SOX5: variants seen among roughly 807,000 people sequenced by gnomAD.
SOX5 encodes SRY-box transcription factor 5, also known as transcription factor SOX-5.
SOX5 carries 9 observed loss-of-function variants against 92.0 expected under a neutral mutation model. That is an observed-to-expected ratio of 0.10 (90% CI 0.06 to 0.17). The LOEUF (loss-of-function observed/expected upper bound fraction) is 0.17, where lower values mean the gene tolerates loss of function less well. Ranked by LOEUF, SOX5 falls within the 10% of genes least tolerant of loss-of-function variation. SOX5 has a pLI of 1.00. For missense variants in SOX5, 642 were observed against 944.5 expected, an observed-to-expected ratio of 0.68 and a Z score of 4.20; for synonymous variants, 344 against 336.3, an observed-to-expected ratio of 1.02 and a Z score of -0.25.
chr12:24,169,534 A>G (rs572154027), intron 4 of SOX5, among the ~76,000 whole-genome samples: 6 of 152,342 alleles, frequency 3.9e-5, no homozygotes, highest in Admixed American at 3.9e-4. Flanking sequence ...TGATCTTCAT[A>G]GTGTTTACAG....
At position 24,416,498 on chromosome 12, in the gene SOX5, C is replaced by T. The variant is rs995667317; in HGVS notation, c.-250-47859G>A. Among the ~76,000 whole-genome samples the T allele has an allele frequency of 5.3e-5, 8 of 152,242 alleles. No homozygotes were observed. In the East Asian group the frequency reaches 9.7e-4, roughly 18 times the overall value. ...CTACGAATGTATTCAAAAGCAAAGACGTGGGTAAGGAAACGTGGTGACTGA... is the reference window on the plus strand; with the variant it reads ...CTACGAATGTATTCAAAAGCAAAGATGTGGGTAAGGAAACGTGGTGACTGA... On this transcript the variant is annotated intron_variant, in intron 1 of 4. Coordinates refer to the SOX5 transcript ENST00000446891.
chr12:24,202,573 A>C (rs1957627371), intron 4 of SOX5, among the ~76,000 whole-genome samples: 1 of 152,184 alleles, frequency 6.6e-6, no homozygotes, highest in African/African-American at 2.4e-5. Flanking sequence ...ACTATGAGCC[A>C]ATATTTAGTT....
intron 3 of SOX5, among the ~76,000 whole-genome samples, chr12:23,820,020 T>C (rs1401729123): frequency 3.3e-5 from 5 of 152,202 alleles, no homozygotes; most frequent in Admixed American, 2.6e-4. Flanking sequence ...TCTTCCACAA[T>C]GGTTGCACTA....
At position 24,372,951 on chromosome 12, in the gene SOX5, C is replaced by CAAAAA. The variant is rs375852900; in HGVS notation, c.-250-4317_-250-4313dup. On this transcript the variant is annotated intron_variant, in intron 1 of 4. Transcript: ENST00000446891. Reference sequence around the variant, plus strand: ...AAAAATGGCAAAACCCCATCTCTACCAAAAAAAAAAAAAAAAAACTGCTGG... The same window carrying CAAAAA: ...AAAAATGGCAAAACCCCATCTCTACCAAAAAAAAAAAAAAAAAAAAAAACTGCTGG... Among the ~76,000 whole-genome samples the CAAAAA allele has an allele frequency of 8.2e-5, 10 of 122,518 alleles. 1 individual carries two copies. Among genetic ancestry groups the CAAAAA allele is most frequent in the African/African-American group, 2.5e-4 (8 of 31,922 alleles). The allele number at this position is 122,518 out of a possible 152,430, so 80.4% of individuals were successfully genotyped here. A position where few individuals can be genotyped will look rare whatever the true frequency, so the allele number is the denominator to read the frequency against.
At chr12:24,081,519 C>A (rs944945877) in intron 4 of SOX5, among the ~76,000 whole-genome samples, 1 of 151,930 alleles carries the variant, frequency 6.6e-6, no homozygotes, top group African/African-American at 2.4e-5. Context: ...CTATAAATGT[C>A]CATTCCATCT....
chr12:23,543,664 G>A (rs1399123288), intron 12 of SOX5, among the ~76,000 whole-genome samples: 7 of 152,186 alleles, frequency 4.6e-5, no homozygotes, highest in African/African-American at 9.6e-5. Flanking sequence ...AATAAACTCC[G>A]ATATGTGATT....
chr12:24,362,718 T>C (rs1181206507), intron 2 of SOX5, among the ~76,000 whole-genome samples: 1 of 152,118 alleles, frequency 6.6e-6, no homozygotes, highest in Non-Finnish European at 1.5e-5. Context: ...GGCTGGTCAG[T>C]TATAGGCGTG....
intron 2 of SOX5, among the ~76,000 whole-genome samples, chr12:24,322,659 G>C (rs546373954): frequency 6.6e-6 from 1 of 152,156 alleles, no homozygotes; most frequent in Admixed American, 6.5e-5. Context: ...CATTTTCTCT[G>C]TGTTATACCT....
At chr12:23,760,916 C>T (rs1309314171) in intron 3 of SOX5, among the ~76,000 whole-genome samples, 1 of 152,082 alleles carries the variant, frequency 6.6e-6, no homozygotes, top group Non-Finnish European at 1.5e-5. Context: ...TGTGGCAGAG[C>T]TCATTGAAAA....
At chr12:24,112,991 C>G (rs1321623254) in intron 4 of SOX5, among the ~76,000 whole-genome samples, 3 of 151,682 alleles carry the variant, frequency 2.0e-5, no homozygotes, top group Admixed American at 2.0e-4. Flanking sequence ...CACTGGTTCC[C>G]AACCATATCA....
At chr12:23,662,166 TATATAGAGAG>T (rs2083155194) in intron 7 of SOX5, among the ~76,000 whole-genome samples, 1 of 151,628 alleles carries the variant, frequency 6.6e-6, no homozygotes, top group South Asian at 2.1e-4. Flanking sequence ...TACATATATA[TATATAGAGAG>T]AGAGAGAGAA....
At chr12:23,825,043 C>G (rs1224130853) in intron 3 of SOX5, among the ~76,000 whole-genome samples, 1 of 152,132 alleles carries the variant, frequency 6.6e-6, no homozygotes, top group Non-Finnish European at 1.5e-5. Context: ...GGGGTGGGAT[C>G]TGCTGGGCTG....
chr12:24,264,527 T>C (rs1942730818), intron 3 of SOX5, among the ~76,000 whole-genome samples: 2 of 152,196 alleles, frequency 1.3e-5, no homozygotes, highest in Non-Finnish European at 2.9e-5. Flanking sequence ...AGGAGTCCTT[T>C]AGAGTCAAAT....
At chr12:23,852,926 A>G (rs1049728296) in intron 2 of SOX5, among the ~76,000 whole-genome samples, 1 of 151,956 alleles carries the variant, frequency 6.6e-6, no homozygotes, top group East Asian at 1.9e-4. Context: ...AAAAACTGTT[A>G]AGAGCTAAGG....
At chr12:23,935,717 C>A (rs1284666531) in intron 1 of SOX5, among the ~76,000 whole-genome samples, 1 of 151,098 alleles carries the variant, frequency 6.6e-6, no homozygotes, top group African/African-American at 2.4e-5. Context: ...AAGTTTATAT[C>A]ACAATTATTT....
rs374963124 is a variant in SOX5, at chr12:24,306,400, T to C, written c.-173-29088A>G. Among the ~76,000 whole-genome samples, 23 of 152,330 alleles carry C rather than the reference T, an allele frequency of 1.5e-4. No individual in the cohort carries two copies. In the South Asian group the frequency reaches 4.6e-3, roughly 30 times the overall value. ...AATCTATGATTCTGCCACCGAAGTGTGGACTGGGGTCATGCAAAGATTGTT... is the reference window on the plus strand; with the variant it reads ...AATCTATGATTCTGCCACCGAAGTGCGGACTGGGGTCATGCAAAGATTGTT... On this transcript the variant is annotated intron_variant, in intron 2 of 4. Transcript: ENST00000446891.
chr12:24,543,582 G>A (rs1952342694), intron 1 of SOX5, among the ~76,000 whole-genome samples: 1 of 152,204 alleles, frequency 6.6e-6, no homozygotes, highest in African/African-American at 2.4e-5. Context: ...CAGCTACTCA[G>A]GAGGCTGAGG....
At chr12:23,850,162 G>A (rs1387777033) in intron 2 of SOX5, among the ~76,000 whole-genome samples, 2 of 152,090 alleles carry the variant, frequency 1.3e-5, no homozygotes, top group East Asian at 3.9e-4. Context: ...TGGGCATTGT[G>A]GCTCACTCCT....
At chr12:24,335,623 C>T (rs1050870442) in intron 2 of SOX5, among the ~76,000 whole-genome samples, 1 of 152,004 alleles carries the variant, frequency 6.6e-6, no homozygotes, top group Admixed American at 6.6e-5. Flanking sequence ...GTTTAAAATG[C>T]AAATATCCTT....
Sources: gnomAD v4.1 joint callset for allele counts (sites outside exome capture counted in the v4.1 genomes callset) on GRCh38, gnomAD v4.1.1 for gene constraint, MANE v1.5 for transcripts, NCBI Gene and HGNC (gene_info 2026-07-23, HGNC 2026-07-21) for gene names.